USP36: variants seen among roughly 807,000 people sequenced by gnomAD.
USP36 encodes the protein ubiquitin specific peptidase 36.
Under a neutral mutation model 111.5 loss-of-function variants are expected in USP36, and 59 were observed. The ratio of observed to expected loss-of-function variants is 0.53; its 90% CI spans 0.43 to 0.66. USP36 has a LOEUF of 0.66. Ranked by LOEUF, USP36 falls within the 30% of genes least tolerant of loss-of-function variation. USP36 has a pLI of 0.00. For synonymous variants in USP36, 628 were observed against 581.0 expected (o/e 1.08, Z -1.16); for missense variants, 1,488 against 1,468.0 (o/e 1.01, Z -0.22).
At chr17:78,791,942 G>A (rs1004855070), downstream of USP36, 3 of 152,234 alleles carry the variant, frequency 2.0e-5, no homozygotes, top group African/African-American at 7.2e-5. Context: ...TCCTGACAGA[G>A]GGTGGATCGG....
Position 78,788,720 on chromosome 17 carries a change from G to A in USP36, c.*21-1062C>T, listed in dbSNP as rs533590036. Among the ~76,000 whole-genome samples the A allele has an allele frequency of 5.3e-5, 8 of 152,222 alleles. No individual in the cohort carries two copies. The South Asian group carries it at 1.7e-3, about 32-fold the overall frequency. ...GACTCGGGTCCATGGGGTAGGTATT[G>A]CTGAGGCCATCAGAACACCAGACAC... On this transcript the variant is annotated intron_variant, in intron 3 of 3. Transcript: ENST00000588130.
intron 4 of USP36, among the ~76,000 whole-genome samples, chr17:78,833,135 G>A (rs1032778490): frequency 2.0e-5 from 3 of 152,166 alleles, no homozygotes; most frequent in East Asian, 3.9e-4. Context: ...GCGACAGAAC[G>A]AGACTCCATC....
Position 78,821,937 on chromosome 17 carries a change from C to T in USP36, c.757G>A (p.Val253Met), listed in dbSNP as rs2094340295. 8.7e-6 allele frequency: 14 copies of T among 1,613,978 alleles called. No homozygotes were observed. The highest frequency in any genetic ancestry group is 1.3e-5 in the African/African-American group (1 of 74,914). Reference protein sequence around the residue: ...QIFGGYLRSRVKCSVCKSVSD... With the variant: ...QIFGGYLRSRMKCSVCKSVSD... Reference sequence around the variant, plus strand: ...CAGTAGAACAAACGTCTCCACTTACCGCGTGATCTGAGATACCCTCCAAAA... The same window carrying T: ...CAGTAGAACAAACGTCTCCACTTACTGCGTGATCTGAGATACCCTCCAAAA... Residue 253 changes from valine to methionine, a missense_variant and splice_region_variant, in exon 7 of 21, where the codon GTG (valine) becomes ATG (methionine). Physicochemically the swap from Val to Met is conservative, Grantham distance 21 (BLOSUM62 1). Around this residue, in one of 3 missense-constraint regions of USP36, gnomAD observed 196 missense variants for 264.4 expected, o/e 0.74. Coordinates refer to ENST00000449938, the MANE Select transcript of USP36 (RefSeq NM_001385174.1).
At position 78,813,781 on chromosome 17, in the gene USP36, G is replaced by T; in HGVS notation, c.1257C>A (p.Phe419Leu). ...VVLNQQAYVL[F>L]YLRIPGSKKS... The stretch of plus-strand genomic sequence containing the variant: ...GGGCGTGAGTTTATTACCGCAGATA[G>T]AACAGCACGTAGGCCTGCTGGTTCA... The change falls in exon 12 of 21, where the codon TTC becomes TTA. Residue 419 changes from phenylalanine to leucine, a missense_variant. Phe to Leu is a conservative substitution (Grantham distance 22). Around this residue, in one of 3 missense-constraint regions of USP36, gnomAD observed 1,073 missense variants for 994.1 expected, o/e 1.08. Coordinates refer to ENST00000449938, the MANE Select transcript of USP36 (RefSeq NM_001385174.1). 2.5e-6 allele frequency: 4 copies of T among 1,613,976 alleles called. No individual in the cohort carries two copies. Among genetic ancestry groups the T allele is most frequent in the Non-Finnish European group, 3.4e-6 (4 of 1,179,896 alleles).
chr17:78,814,526 G>A lies in USP36; in HGVS notation c.1050C>T (p.Asn350=), dbSNP rs778326904. Reference sequence around the variant, plus strand: ...TATTCTGGGACATATACGGACGTATGTTGAGGAATTCCGGATAGCCTACAT... The same window carrying A: ...TATTCTGGGACATATACGGACGTATATTGAGGAATTCCGGATAGCCTACAT... ...TKDVGYPEFL[N]IRPYMSQNNG... Residue 350 remains asparagine (N), a synonymous_variant, in exon 11 of 21, where the codon AAC becomes AAT. Transcript: ENST00000449938. 10 of 1,614,066 alleles carry A rather than the reference G, an allele frequency of 6.2e-6. No homozygotes were observed. Among genetic ancestry groups the A allele is most frequent in the African/African-American group, 2.7e-5 (2 of 74,950 alleles).
rs539321111 is a variant in USP36 at position 78,830,814 on chromosome 17, G to GT, written c.476-1808dup. ...GAGATTGCCTTTACATAAAGGGGAG[G>GT]TTTTTTTCATTTTAGACTTCTGCTT... On this transcript the variant is annotated intron_variant, in intron 4 of 20. Transcript: ENST00000449938. Among the ~76,000 whole-genome samples the GT allele has an allele frequency of 2.6e-3, 402 of 151,790 alleles. 3 individuals carry two copies. The highest frequency in any genetic ancestry group is 9.3e-3 in the African/African-American group (385 of 41,364).
chr17:78,788,731 C>T (rs886888469), intron 3 of USP36, among the ~76,000 whole-genome samples: 3 of 152,098 alleles, frequency 2.0e-5, no homozygotes, highest in Non-Finnish European at 4.4e-5. Context: ...CTGAGGCCAT[C>T]AGAACACCAG....
Position 78,797,744 on chromosome 17 carries a change from TG to T in USP36, c.*155del, listed in dbSNP as rs2093650943. 1 of 152,330 alleles carries T rather than the reference TG, an allele frequency of 6.6e-6. No individual in the cohort carries two copies. Among genetic ancestry groups the T allele is most frequent in the African/African-American group, 2.4e-5 (1 of 41,410 alleles). 9.4% of individuals were successfully genotyped at this position (152,330 alleles called of 1,614,324 possible). A position where few individuals can be genotyped will look rare whatever the true frequency, so the allele number is the denominator to read the frequency against. ...ATCTAGAGAAGCCTCAAAGCCTCTG[TG>T]TTGGGCGGTCTGTGGACACTGGTAC... On this transcript the variant is annotated 3_prime_UTR_variant, in exon 21 of 21. Coordinates refer to ENST00000449938, the MANE Select transcript of USP36 (RefSeq NM_001385174.1).
intron 14 of USP36, 71 bp downstream of exon 14, chr17:78,806,887 CT>C (rs778205814): frequency 2.0e-4 from 307 of 1,564,086 alleles, no homozygotes; most frequent in Non-Finnish European, 2.5e-4. Flanking sequence ...TTCTCACTCC[CT>C]TCAAACCACA....
rs376944310 is a variant in USP36, at chr17:78,813,759, C to T, written c.1265+14G>A. 1.4e-5 allele frequency: 23 copies of T among 1,612,158 alleles called. No homozygotes were observed. The South Asian group carries it at 2.1e-4, about 15-fold the overall frequency. ...AGGGAGTGAGCTCATCTGGGGAGGGCGTGAGTTTATTACCGCAGATAGAAC... is the reference window on the plus strand; with the variant it reads ...AGGGAGTGAGCTCATCTGGGGAGGGTGTGAGTTTATTACCGCAGATAGAAC... On this transcript the variant is annotated intron_variant, in intron 12 of 20. Transcript: ENST00000449938.
At chr17:78,836,818 C>A (rs893251931) in intron 2 of USP36, among the ~76,000 whole-genome samples, 1 of 142,784 alleles carries the variant, frequency 7.0e-6, no homozygotes, top group Admixed American at 6.7e-5. Context: ...CACACACACA[C>A]AAACGGACAC....
chr17:78,798,968 G>A lies in USP36; in HGVS notation c.3180C>T (p.Ser1060=). 1 of 1,614,164 alleles carries A rather than the reference G, an allele frequency of 6.2e-7. No homozygotes were observed. The highest frequency in any genetic ancestry group is 1.1e-5 in the South Asian group (1 of 91,084). ...SAVSQDAIED[S]RQARTETVVD... ...CCACGGTCTCAGTCCGGGCCTGTCT[G>A]CTGTCTTCAATAGCATCCTGACTGA... is the stretch of plus-strand genomic sequence containing the variant. The change falls in exon 19 of 21, where the codon AGC becomes AGT. Residue 1060 remains serine, a synonymous_variant. Transcript: ENST00000449938. The surrounding 1 kb of genome is among the most constrained non-coding windows in gnomAD (Gnocchi z 5.1).
At position 78,803,882 on chromosome 17, in the gene USP36, C is replaced by T. The variant is rs765854907; in HGVS notation, c.2313G>A (p.Thr771=). The T allele has an allele frequency of 1.4e-5, 22 of 1,603,886 alleles. No individual in the cohort carries two copies. Among genetic ancestry groups the T allele is most frequent in the African/African-American group, 8.4e-5 (6 of 71,840 alleles). The change falls in exon 16 of 21, where the codon ACG becomes ACA. Residue 771 remains threonine (T), a synonymous_variant. Coordinates refer to ENST00000449938, the MANE Select transcript of USP36 (RefSeq NM_001385174.1). The surrounding 1 kb of genome is among the most constrained non-coding windows in gnomAD (Gnocchi z 4.6). The part of the protein sequence containing the change: ...LLSSTPKPPG[T]SEPRSCSSIS... Reference sequence around the variant, plus strand: ...TGGAGGAGCAGCTCCGTGGTTCTGACGTCCCTGGGGGCTTGGGGGTACTGG... The same window carrying T: ...TGGAGGAGCAGCTCCGTGGTTCTGATGTCCCTGGGGGCTTGGGGGTACTGG...
At chr17:78,801,726 C>T (rs1262681942) in intron 17 of USP36, among the ~76,000 whole-genome samples, 8 of 152,154 alleles carry the variant, frequency 5.3e-5, no homozygotes, top group Non-Finnish European at 1.2e-4. Flanking sequence ...ACTTTTGAAC[C>T]CAACTCTTCT....
At chr17:78,815,842 C>T (rs765239652) in intron 10 of USP36, among the ~76,000 whole-genome samples, 117 of 135,770 alleles carry the variant, frequency 8.6e-4, no homozygotes, top group African/African-American at 2.7e-3. Context: ...TATACATACA[C>T]ACACACATAT....
chr17:78,830,660 C>T (rs1250540516), intron 4 of USP36, among the ~76,000 whole-genome samples: 1 of 152,102 alleles, frequency 6.6e-6, no homozygotes, highest in African/African-American at 2.4e-5. Context: ...ATCATTTCCC[C>T]GCAATATCTC....
chr17:78,806,821 G>A lies in USP36; in HGVS notation c.2085+138C>T, dbSNP rs117259737. On this transcript the variant is annotated intron_variant, in intron 14 of 20. Transcript: ENST00000449938. ...TCTTTAATTGCAAATGGCTGGGAAC[G>A]ACTAAAAGACACTTTGTTCCTCTAA... The A allele has an allele frequency of 5.6e-3, 6,981 of 1,240,934 alleles. 31 individuals are homozygous for A. The highest frequency in any genetic ancestry group is 0.013 in the Admixed American group (514 of 41,072). The allele number at this position is 1,240,934 out of a possible 1,614,324, so 76.9% of individuals were successfully genotyped here. A position where few individuals can be genotyped will look rare whatever the true frequency, so the allele number is the denominator to read the frequency against.
downstream of USP36, among the ~76,000 whole-genome samples, chr17:78,793,653 G>A (rs975809537): frequency 5.9e-5 from 9 of 152,114 alleles, no homozygotes; most frequent in Non-Finnish European, 7.3e-5. Flanking sequence ...CGTCCTTGGC[G>A]TACCCACATC....
Position 78,806,142 on chromosome 17 carries a change from G to T in USP36, c.2216+14C>A. ...AACCAGTTGGCACCCAGAAGATCCCGGCCCAAAGCTTACCTGGCTCTATGG... is the reference window on the plus strand; with the variant it reads ...AACCAGTTGGCACCCAGAAGATCCCTGCCCAAAGCTTACCTGGCTCTATGG... On this transcript the variant is annotated intron_variant, in intron 15 of 20. Transcript: ENST00000449938. 1.2e-6 allele frequency: 2 copies of T among 1,612,692 alleles called. No individual in the cohort carries two copies. The highest frequency in any genetic ancestry group is 1.3e-5 in the African/African-American group (1 of 74,964).
Sources: gnomAD v4.1 joint callset for allele counts (sites outside exome capture counted in the v4.1 genomes callset) on GRCh38, gnomAD v4.1.1 for gene constraint, gnomAD v4.1.1 regional missense constraint, Gnocchi (gnomAD v3.1) non-coding constraint, MANE v1.5 for transcripts, NCBI Gene and HGNC (gene_info 2026-07-23, HGNC 2026-07-21) for gene names.